Variants in KCNMB4 observed in about 807,000 individuals in gnomAD.
The protein encoded by KCNMB4 is potassium calcium-activated channel subfamily M regulatory beta subunit 4, also known as calcium-activated potassium channel subunit beta-4.
Under a neutral mutation model 20.7 loss-of-function variants are expected in KCNMB4, and 3 were observed. That is an observed-to-expected ratio of 0.14 (90% CI 0.07 to 0.37). The LOEUF (loss-of-function observed/expected upper bound fraction) is 0.37, where lower values mean the gene tolerates loss of function less well. Ranked by LOEUF, KCNMB4 falls within the 10% of genes least tolerant of loss-of-function variation. The pLI is 1.00. For synonymous variants in KCNMB4, 110 were observed against 113.4 expected, an observed-to-expected ratio of 0.97 and a Z score of 0.19; for missense variants, 168 against 265.9, an observed-to-expected ratio of 0.63 and a Z score of 2.56.
At chr12:70,421,542 T>C (rs576927076) in intron 2 of KCNMB4, among the ~76,000 whole-genome samples, 1 of 151,444 alleles carries the variant, frequency 6.6e-6, no homozygotes, top group African/African-American at 2.4e-5. Context: ...GGGTTTTATT[T>C]CCCATTTTAC....
intron 2 of KCNMB4, among the ~76,000 whole-genome samples, chr12:70,412,989 T>C (rs965125931): frequency 2.0e-5 from 3 of 152,350 alleles, no homozygotes; most frequent in Non-Finnish European, 4.4e-5. Flanking sequence ...ACAGTAAATC[T>C]GGAATCTTAC....
At chr12:70,404,664 T>A (rs950651152) in intron 2 of KCNMB4, among the ~76,000 whole-genome samples, 12 of 152,206 alleles carry the variant, frequency 7.9e-5, no homozygotes, top group Non-Finnish European at 1.3e-4. Flanking sequence ...TAAGATTTTT[T>A]AGTTAGAATC....
chr12:70,419,516 T>A (rs1200112407), intron 2 of KCNMB4, among the ~76,000 whole-genome samples: 2 of 152,194 alleles, frequency 1.3e-5, no homozygotes, highest in African/African-American at 4.8e-5. Context: ...TACCTCTGAA[T>A]TTCTCTTTGC....
In KCNMB4 at chr12:70,370,299, TTTTTTTTG is replaced by T. The variant is rs1303874934; in HGVS notation, c.336+3245_336+3252del. The stretch of plus-strand genomic sequence containing the variant: ...TTGTTGGTGCTACTGAATTTTTTGT[TTTTTTTTG>T]TTTTTTTGTTTTTTTTTTGAGACAG... On this transcript the variant is annotated intron_variant, in intron 1 of 2. Transcript: ENST00000258111. 9.6e-5 allele frequency among the ~76,000 whole-genome samples: 9 copies of T among 94,084 alleles called. No individual in the cohort carries two copies. In the South Asian group the frequency reaches 1.1e-3, roughly 11 times the overall value. The allele number at this position is 94,084 out of a possible 152,430, so 61.7% of individuals were successfully genotyped here.
At chr12:70,369,312 A>T (rs1883550098) in intron 1 of KCNMB4, among the ~76,000 whole-genome samples, 1 of 152,224 alleles carries the variant, frequency 6.6e-6, no homozygotes, top group Non-Finnish European at 1.5e-5. Flanking sequence ...AGGCAGTGTG[A>T]TGGAAAAATT....
At chr12:70,391,310 A>C (rs184491604) in intron 1 of KCNMB4, among the ~76,000 whole-genome samples, 1 of 150,256 alleles carries the variant, frequency 6.7e-6, no homozygotes, top group Non-Finnish European at 1.5e-5. Context: ...ATTTATTATT[A>C]TTTTTTTTTA....
At chr12:70,418,412 T>G (rs867925527) in intron 2 of KCNMB4, among the ~76,000 whole-genome samples, 168 of 152,140 alleles carry the variant, frequency 1.1e-3, no homozygotes, top group African/African-American at 3.7e-3. Flanking sequence ...AAAAAGCAGC[T>G]TTTTATATGT....
At chr12:70,397,505 A>C (rs1868364752) in intron 1 of KCNMB4, among the ~76,000 whole-genome samples, 1 of 152,214 alleles carries the variant, frequency 6.6e-6, no homozygotes. Flanking sequence ...AATGTAAAAA[A>C]GTACTTTCCA....
At chr12:70,408,837 A>C (rs1313711112) in intron 2 of KCNMB4, among the ~76,000 whole-genome samples, 1 of 151,742 alleles carries the variant, frequency 6.6e-6, no homozygotes, top group African/African-American at 2.4e-5. Context: ...TTTTTTTCTC[A>C]GTCTTTCCCT....
intron 2 of KCNMB4, among the ~76,000 whole-genome samples, 171 bp downstream of exon 2, chr12:70,400,507 T>C (rs1868422451): frequency 6.6e-6 from 1 of 152,218 alleles, no homozygotes; most frequent in African/African-American, 2.4e-5. Context: ...GAAAAAGACT[T>C]GTGTTGTACA....
chr12:70,421,806 C>T (rs1869069317), intron 2 of KCNMB4, among the ~76,000 whole-genome samples: 1 of 151,852 alleles, frequency 6.6e-6, no homozygotes, highest in South Asian at 2.1e-4. Context: ...TGGTCTTGAC[C>T]CCCTGACCTC....
intron 1 of KCNMB4, among the ~76,000 whole-genome samples, chr12:70,379,231 G>A (rs1264844591): frequency 1.3e-5 from 2 of 152,196 alleles, no homozygotes; most frequent in Admixed American, 6.6e-5. Context: ...TCTAACAAGA[G>A]TCAGCCTGTT....
In KCNMB4 at chr12:70,366,727, G is replaced by T. The variant is rs112372380; in HGVS notation, c.-8G>T. ...GGGGAGCACGCCAGCCGCCGAGAGT[G>T]GGGGGCGATGGCGAAGCTCCGGGTG... On this transcript the variant is annotated 5_prime_UTR_variant, in exon 1 of 3. Transcript: ENST00000258111. The T allele has an allele frequency of 2.3e-4, 366 of 1,569,908 alleles. No individual in the cohort carries two copies. In the African/African-American group the frequency reaches 4.2e-3, roughly 18 times the overall value.
At chr12:70,385,687 A>C in intron 1 of KCNMB4, among the ~76,000 whole-genome samples, 1 of 152,230 alleles carries the variant, frequency 6.6e-6, no homozygotes, top group East Asian at 1.9e-4. Context: ...AATTAGAAAC[A>C]AAAATGAGGA....
intron 2 of KCNMB4, among the ~76,000 whole-genome samples, chr12:70,429,536 G>A (rs946477459): frequency 4.6e-5 from 7 of 151,814 alleles, no homozygotes; most frequent in Non-Finnish European, 7.4e-5. Context: ...ACGTGGTGGC[G>A]GGCGCCTGTA....
At chr12:70,397,449 G>T (rs1001016199) in intron 1 of KCNMB4, among the ~76,000 whole-genome samples, 1 of 152,168 alleles carries the variant, frequency 6.6e-6, no homozygotes, top group Non-Finnish European at 1.5e-5. Flanking sequence ...AAAGAATGCA[G>T]TGCATAAAAA....
In KCNMB4 at chr12:70,369,792, A is replaced by G. The variant is rs150027379; in HGVS notation, c.336+2722A>G. 7.9e-4 allele frequency among the ~76,000 whole-genome samples: 120 copies of G among 152,324 alleles called. 1 individual carries two copies. Among genetic ancestry groups the G allele is most frequent in the African/African-American group, 2.1e-3 (86 of 41,576 alleles). On this transcript the variant is annotated intron_variant, in intron 1 of 2. Coordinates refer to ENST00000258111, the MANE Select transcript of KCNMB4 (RefSeq NM_014505.6). ...AATACCTTGAGTTCCTACTGAATTT[A>G]TTTGTATTTTGAATCATATCCTTAT...
chr12:70,392,921 T>G (rs559623316), intron 1 of KCNMB4, among the ~76,000 whole-genome samples: 14 of 152,238 alleles, frequency 9.2e-5, no homozygotes, highest in Non-Finnish European at 1.6e-4. Flanking sequence ...CCATGGCACA[T>G]GTATGTCTAT....
intron 1 of KCNMB4, among the ~76,000 whole-genome samples, chr12:70,398,015 G>T (rs1026374151): frequency 1.3e-5 from 2 of 152,082 alleles, no homozygotes; most frequent in African/African-American, 4.8e-5. Flanking sequence ...TATTTTAATA[G>T]AAGGAAACAA....
Sources: allele counts gnomAD v4.1 joint callset (sites outside exome capture counted in the v4.1 genomes callset), GRCh38; gene constraint gnomAD v4.1.1; transcripts MANE v1.5; gene names NCBI Gene and HGNC (gene_info 2026-07-23, HGNC 2026-07-21).